MECOM: variants seen among roughly 807,000 people sequenced by gnomAD.
The protein encoded by MECOM is histone-lysine N-methyltransferase MECOM.
MECOM carries 13 observed loss-of-function variants against 116.3 expected under a neutral mutation model. The observed-to-expected ratio is 0.11, with a 90% CI of 0.07 to 0.18. The LOEUF is 0.18. Ranked by LOEUF, MECOM falls within the 10% of genes least tolerant of loss-of-function variation. The pLI, the probability that MECOM is intolerant of heterozygous loss-of-function variation, is 1.00. For synonymous variants in MECOM, 528 were observed against 535.2 expected (o/e 0.99, Z 0.19); for missense variants, 1,299 against 1,509.0 (o/e 0.86, Z 2.31).
intron 1 of MECOM, among the ~76,000 whole-genome samples, chr3:169,628,882 G>A (rs1179858509): frequency 2.6e-5 from 4 of 152,110 alleles, no homozygotes; most frequent in African/African-American, 9.7e-5. Flanking sequence ...GCCCTGAGGA[G>A]CAGAATTCAG....
chr3:169,153,215 C>T (rs7625096), intron 2 of MECOM, among the ~76,000 whole-genome samples: 10,698 of 151,846 alleles, frequency 0.07, 483 homozygotes, highest in South Asian at 0.19. Flanking sequence ...AAATATTTCC[C>T]AAAAGTAGGG....
chr3:169,266,613 T>C (rs917592926), intron 2 of MECOM, among the ~76,000 whole-genome samples: 2 of 152,162 alleles, frequency 1.3e-5, no homozygotes, highest in Non-Finnish European at 2.9e-5. Context: ...TTCTTAGCTT[T>C]CTCCCATTGT....
chr3:169,123,805 A>G (rs1038325202), intron 5 of MECOM, among the ~76,000 whole-genome samples: 9 of 152,102 alleles, frequency 5.9e-5, no homozygotes, highest in Non-Finnish European at 1.0e-4. Flanking sequence ...CCCACTGACC[A>G]AAGGTGGGGC....
At chr3:169,296,469 G>C (rs1357153117) in intron 2 of MECOM, among the ~76,000 whole-genome samples, 5 of 152,194 alleles carry the variant, frequency 3.3e-5, no homozygotes, top group Non-Finnish European at 5.9e-5. Flanking sequence ...TTGTATTGTG[G>C]ATTTGCCAGC....
chr3:169,561,176 G>T lies in MECOM; in HGVS notation c.37+102160C>A, dbSNP rs117655387. ...AAGTTTTATAATTTTCGATGTAAGGGTATATGAATATTGGAGCTTTCATAC... is the reference window on the plus strand; with the variant it reads ...AAGTTTTATAATTTTCGATGTAAGGTTATATGAATATTGGAGCTTTCATAC... On this transcript the variant is annotated intron_variant, in intron 1 of 16. Coordinates refer to ENST00000651503, the MANE Select transcript of MECOM (RefSeq NM_004991.4). Among the ~76,000 whole-genome samples the T allele has an allele frequency of 1.3e-3, 192 of 151,938 alleles. 4 individuals are homozygous for T. The East Asian group carries it at 0.03, about 23-fold the overall frequency.
intron 2 of MECOM, among the ~76,000 whole-genome samples, chr3:169,214,322 A>C (rs1265743991): frequency 1.3e-5 from 2 of 152,120 alleles, no homozygotes; most frequent in African/African-American, 4.8e-5. Context: ...TATACTTGCC[A>C]AATTCAATTT....
At chr3:169,406,663 A>G (rs1371759914) in intron 1 of MECOM, among the ~76,000 whole-genome samples, 6 of 152,142 alleles carry the variant, frequency 3.9e-5, no homozygotes, top group Non-Finnish European at 8.8e-5. Context: ...TCATTATCTT[A>G]TTTAATGTCA....
chr3:169,222,048 C>A (rs201758925), intron 2 of MECOM, among the ~76,000 whole-genome samples: 1 of 152,106 alleles, frequency 6.6e-6, no homozygotes, highest in East Asian at 1.9e-4. Context: ...TTCCGTAGAT[C>A]ACTAGCTATG....
At chr3:169,237,192 C>T (rs1057155615) in intron 2 of MECOM, among the ~76,000 whole-genome samples, 5 of 152,048 alleles carry the variant, frequency 3.3e-5, no homozygotes, top group Admixed American at 1.3e-4. Flanking sequence ...GACTAAGATA[C>T]GGCAAATTAT....
At chr3:169,170,403 C>CA (rs71634426) in intron 2 of MECOM, among the ~76,000 whole-genome samples, 745 of 73,974 alleles carry the variant, frequency 0.01, 10 homozygotes, top group Middle Eastern at 0.033. Context: ...AAGACTCTGT[C>CA]AAAAAAAAAA....
At chr3:169,447,047 T>C (rs759667552) in intron 1 of MECOM, among the ~76,000 whole-genome samples, 16 of 152,218 alleles carry the variant, frequency 1.1e-4, no homozygotes, top group East Asian at 1.9e-4. Context: ...GGGATCCTCA[T>C]TGTAAAATAT....
At chr3:169,181,503 C>A (rs1371364559) in intron 2 of MECOM, among the ~76,000 whole-genome samples, 1 of 152,148 alleles carries the variant, frequency 6.6e-6, no homozygotes, top group African/African-American at 2.4e-5. Flanking sequence ...TGATTCCACA[C>A]ACCAACTCTT....
intron 1 of MECOM, among the ~76,000 whole-genome samples, chr3:169,391,574 C>CT (rs959610449): frequency 2.0e-5 from 3 of 151,756 alleles, no homozygotes; most frequent in Non-Finnish European, 4.4e-5. Context: ...AGATTTTTTG[C>CT]TTTTTTTAAG....
At chr3:169,600,925 G>A (rs919392281) in intron 1 of MECOM, among the ~76,000 whole-genome samples, 42 of 152,180 alleles carry the variant, frequency 2.8e-4, no homozygotes, top group African/African-American at 9.6e-4. Flanking sequence ...CCGTTTTAAA[G>A]CATTCTTTTG....
intron 5 of MECOM, among the ~76,000 whole-genome samples, chr3:169,127,257 T>C (rs1489346532): frequency 6.6e-6 from 1 of 152,132 alleles, no homozygotes; most frequent in East Asian, 1.9e-4. Flanking sequence ...ATAATTTTTA[T>C]TGTGTTAAAA....
chr3:169,547,267 G>A (rs1176237296), intron 1 of MECOM, among the ~76,000 whole-genome samples: 1 of 152,160 alleles, frequency 6.6e-6, no homozygotes, highest in Non-Finnish European at 1.5e-5. Flanking sequence ...GGTAAGATGT[G>A]CTTGCTTCCT....
chr3:169,660,377 T>C (rs1008376896), intron 1 of MECOM, among the ~76,000 whole-genome samples: 1 of 152,214 alleles, frequency 6.6e-6, no homozygotes, highest in Non-Finnish European at 1.5e-5. Context: ...TTTCAACTAC[T>C]GTATAAAATA....
chr3:169,436,363 G>T (rs1299212439), intron 1 of MECOM, among the ~76,000 whole-genome samples: 1 of 147,908 alleles, frequency 6.8e-6, no homozygotes, highest in Non-Finnish European at 1.5e-5. Flanking sequence ...CGATTCCCCT[G>T]CCTCAGCCTC....
chr3:169,451,183 T>C (rs1359499230), intron 1 of MECOM, among the ~76,000 whole-genome samples: 1 of 152,032 alleles, frequency 6.6e-6, no homozygotes, highest in Non-Finnish European at 1.5e-5. Flanking sequence ...GAGATTTTCA[T>C]GCCCTATGTA....
Sources: gnomAD v4.1 joint callset for allele counts (sites outside exome capture counted in the v4.1 genomes callset) on GRCh38, gnomAD v4.1.1 for gene constraint, MANE v1.5 for transcripts, NCBI Gene and HGNC (gene_info 2026-07-23, HGNC 2026-07-21) for gene names.